CTNNA2: variants seen among roughly 807,000 people sequenced by gnomAD.
CTNNA2 encodes the protein catenin alpha 2.
CTNNA2 carries 42 observed loss-of-function variants against 101.0 expected under a neutral mutation model. That is an observed-to-expected ratio of 0.42 (90% confidence interval 0.32 to 0.54). The LOEUF (loss-of-function observed/expected upper bound fraction) is 0.54. Ranked by LOEUF, CTNNA2 falls within the 20% of genes least tolerant of loss-of-function variation. The pLI, the probability that CTNNA2 is intolerant of heterozygous loss-of-function variation, is 0.14. For missense variants in CTNNA2, 871 were observed against 1,223.1 expected (o/e 0.71, Z 4.29); for synonymous variants, 450 against 456.4 (o/e 0.99, Z 0.18).
intron 7 of CTNNA2, among the ~76,000 whole-genome samples, chr2:80,348,300 T>C (rs899687200): frequency 1.3e-5 from 2 of 152,232 alleles, no homozygotes. Context: ...TTGGTTTATA[T>C]GGTTATTCTA....
chr2:79,928,452 T>C (rs1687177528), intron 7 of CTNNA2, among the ~76,000 whole-genome samples: 1 of 152,244 alleles, frequency 6.6e-6, no homozygotes, highest in South Asian at 2.1e-4. Flanking sequence ...AGAAATATAC[T>C]ATTCTATTCA....
At chr2:80,525,216 G>A (rs1689928531) in intron 9 of CTNNA2, among the ~76,000 whole-genome samples, 1 of 150,868 alleles carries the variant, frequency 6.6e-6, no homozygotes, top group African/African-American at 2.4e-5. Flanking sequence ...TTTTTTAATA[G>A]CAATTTTTGC....
chr2:80,273,091 A>AAGGAGAGAAGGAAGG (rs1410920619), intron 7 of CTNNA2, among the ~76,000 whole-genome samples: 2 of 152,172 alleles, frequency 1.3e-5, no homozygotes, highest in African/African-American at 4.8e-5. Flanking sequence ...CGCCTGGCAG[A>AAGGAGAGAAGGAAGG]AGGAGAGAAG....
chr2:80,231,250 G>T (rs1709193532), intron 7 of CTNNA2, among the ~76,000 whole-genome samples: 1 of 152,056 alleles, frequency 6.6e-6, no homozygotes, highest in African/African-American at 2.4e-5. Context: ...GTCTCCCAGA[G>T]TATTATGATT....
intron 2 of CTNNA2, among the ~76,000 whole-genome samples, chr2:79,727,577 T>C (rs1468342892): frequency 6.6e-6 from 1 of 152,032 alleles, no homozygotes. Flanking sequence ...TTATTTTATT[T>C]TATTTTATTA....
At chr2:79,948,852 C>G (rs1439461576) in intron 7 of CTNNA2, among the ~76,000 whole-genome samples, 1 of 152,164 alleles carries the variant, frequency 6.6e-6, no homozygotes, top group Non-Finnish European at 1.5e-5. Context: ...CCTGTAGTCC[C>G]AGCTACTCAG....
In CTNNA2 at chr2:79,436,578, T is replaced by A. The variant is rs556529514; in HGVS notation, c.-135+62565T>A. On this transcript the variant is annotated intron_variant, in intron 4 of 21. Coordinates refer to the CTNNA2 transcript ENST00000466387. ...TCAAAATCTCCTCATGAGGTTCTAA[T>A]GTGTAGTCAGCTCTGGTTTAAAGAA... Among the ~76,000 whole-genome samples the A allele has an allele frequency of 7.2e-5, 11 of 152,202 alleles. No individual in the cohort carries two copies. The East Asian group carries it at 7.8e-4, about 11-fold the overall frequency.
chr2:80,582,596 A>G (rs1350534137), intron 14 of CTNNA2, among the ~76,000 whole-genome samples: 1 of 152,174 alleles, frequency 6.6e-6, no homozygotes, highest in Non-Finnish European at 1.5e-5. Flanking sequence ...TACGTAATCA[A>G]GGCCGGTGGT....
intron 2 of CTNNA2, among the ~76,000 whole-genome samples, chr2:79,259,698 G>A (rs924517305): frequency 2.6e-5 from 4 of 152,144 alleles, no homozygotes; most frequent in African/African-American, 9.7e-5. Flanking sequence ...CTGCCTACCT[G>A]CAGCTCTTCC....
intron 2 of CTNNA2, among the ~76,000 whole-genome samples, chr2:79,256,233 A>T (rs1674842267): frequency 6.6e-6 from 1 of 152,144 alleles, no homozygotes; most frequent in Non-Finnish European, 1.5e-5. Flanking sequence ...GGGAAGAAAC[A>T]CACAGATCAT....
At chr2:79,368,823 C>T (rs886728125) in intron 3 of CTNNA2, among the ~76,000 whole-genome samples, 1 of 152,190 alleles carries the variant, frequency 6.6e-6, no homozygotes, top group Non-Finnish European at 1.5e-5. Flanking sequence ...TATCCAGTCA[C>T]TTGTGTCCCT....
At chr2:79,813,286 C>T (rs542583423) in intron 3 of CTNNA2, among the ~76,000 whole-genome samples, 1 of 152,228 alleles carries the variant, frequency 6.6e-6, no homozygotes, top group South Asian at 2.1e-4. Flanking sequence ...AAATAGACAT[C>T]AGAAGGACAA....
At chr2:80,296,835 A>C (rs1675788693) in intron 7 of CTNNA2, among the ~76,000 whole-genome samples, 1 of 152,150 alleles carries the variant, frequency 6.6e-6, no homozygotes, top group South Asian at 2.1e-4. Context: ...CCCATGCATA[A>C]AAATTTTAAC....
At chr2:80,018,779 T>TAAAAA (rs11374204) in intron 7 of CTNNA2, among the ~76,000 whole-genome samples, 1 of 123,930 alleles carries the variant, frequency 8.1e-6, no homozygotes, top group African/African-American at 3.1e-5. Flanking sequence ...AGACTCTGTG[T>TAAAAA]AAAAAAAAAA....
chr2:80,033,918 G>C (rs76024365), intron 7 of CTNNA2, among the ~76,000 whole-genome samples: 1,940 of 137,608 alleles, frequency 0.014, 30 homozygotes, highest in African/African-American at 0.042. Flanking sequence ...CTGTTGGATT[G>C]TTATCTTGAG....
At chr2:79,438,457 T>C (rs1205000936) in intron 4 of CTNNA2, among the ~76,000 whole-genome samples, 3 of 152,128 alleles carry the variant, frequency 2.0e-5, no homozygotes, top group Admixed American at 6.6e-5. Flanking sequence ...AACAGGATGG[T>C]CGGCCCCTCT....
intron 7 of CTNNA2, among the ~76,000 whole-genome samples, chr2:79,954,576 G>C (rs1689099402): frequency 6.6e-6 from 1 of 152,130 alleles, no homozygotes; most frequent in South Asian, 2.1e-4. Flanking sequence ...ACCCTTCCAA[G>C]AGCATAATTA....
intron 16 of CTNNA2, chr2:80,605,242 A>G (rs1044860852): frequency 5.3e-5 from 8 of 151,956 alleles, no homozygotes; most frequent in Admixed American, 2.0e-4. Context: ...TTTTGTTGCA[A>G]TTATGGTCCA....
intron 4 of CTNNA2, among the ~76,000 whole-genome samples, chr2:79,863,100 T>C (rs1240564096): frequency 2.6e-5 from 4 of 151,834 alleles, no homozygotes; most frequent in African/African-American, 9.7e-5. Context: ...AGACTAAAGA[T>C]AGCACAAAAG....
Sources: gnomAD v4.1 joint callset for allele counts (sites outside exome capture counted in the v4.1 genomes callset) on GRCh38, gnomAD v4.1.1 for gene constraint, MANE v1.5 for transcripts, NCBI Gene and HGNC (gene_info 2026-07-23, HGNC 2026-07-21) for gene names.